Variants in MTHFD2 observed in about 807,000 individuals in gnomAD.
MTHFD2 encodes methylenetetrahydrofolate dehydrogenase (NADP+ dependent) 2, methenyltetrahydrofolate cyclohydrolase.
MTHFD2 carries 26 observed loss-of-function variants against 36.8 expected under a neutral mutation model. The ratio of observed to expected loss-of-function variants is 0.71; its 90% CI spans 0.52 to 0.98. MTHFD2 has a LOEUF of 0.98. Ranked by LOEUF, MTHFD2 falls within the 50% of genes least tolerant of loss-of-function variation. MTHFD2 has a pLI of 0.00. For missense variants in MTHFD2, 373 were observed against 434.0 expected, an observed-to-expected ratio of 0.86 and a Z score of 1.25; for synonymous variants, 164 against 155.2, an observed-to-expected ratio of 1.06 and a Z score of -0.42.
chr2:74,212,218 C>G (rs1694322303), intron 7 of MTHFD2, among the ~76,000 whole-genome samples: 1 of 141,576 alleles, frequency 7.1e-6, no homozygotes, highest in South Asian at 2.3e-4. Context: ...CTTCCCCTCC[C>G]CTCCCCTCCT....
In MTHFD2 at chr2:74,215,152, T is replaced by C. The variant is rs879873474; in HGVS notation, c.*910T>C. 1 of 152,668 alleles carries C rather than the reference T, an allele frequency of 6.6e-6. No individual in the cohort carries two copies. Among genetic ancestry groups the C allele is most frequent in the Non-Finnish European group, 1.5e-5 (1 of 68,036 alleles). The allele number at this position is 152,668 out of a possible 1,614,324, so 9.5% of individuals were successfully genotyped here. ...AAAGAACTGTCAGCAGCTGCCTGCT[T>C]TTCTGTGATGTATGTATCCTGTTGA... On this transcript the variant is annotated 3_prime_UTR_variant, in exon 8 of 8. Transcript: ENST00000394053.
chr2:74,209,120 T>C (rs1306076152), intron 4 of MTHFD2, among the ~76,000 whole-genome samples: 2 of 152,110 alleles, frequency 1.3e-5, no homozygotes, highest in African/African-American at 4.8e-5. Context: ...ATCCGCCCCC[T>C]CAGCCTCCCA....
chr2:74,211,073 C>T (rs190950610), intron 5 of MTHFD2, 126 bp from the exon 6 acceptor site: 32 of 632,924 alleles, frequency 5.1e-5, no homozygotes, highest in Middle Eastern at 4.7e-4. Flanking sequence ...GCGTGAGCCA[C>T]TGCACCTGGC....
At chr2:74,208,799 C>A in intron 4 of MTHFD2, 78 bp downstream of exon 4, 1 of 1,439,284 alleles carries the variant, frequency 6.9e-7, no homozygotes, top group South Asian at 1.3e-5. Flanking sequence ...CTCATACAGT[C>A]CCAAAGAGTG....
At chr2:74,200,687 A>C (rs1171207623) in intron 1 of MTHFD2, among the ~76,000 whole-genome samples, 1 of 152,142 alleles carries the variant, frequency 6.6e-6, no homozygotes, top group African/African-American at 2.4e-5. Flanking sequence ...TCTTGTTTCT[A>C]CTATCCTCAG....
chr2:74,205,925 T>C, intron 2 of MTHFD2, 36 bp downstream of exon 2: 15 of 1,595,662 alleles, frequency 9.4e-6, no homozygotes, highest in Non-Finnish European at 1.3e-5. Flanking sequence ...TGCGGTTCAG[T>C]TGAGGTTTAT....
chr2:74,201,762 TG>T lies in MTHFD2; in HGVS notation c.101+3024del, dbSNP rs199645178. ...TGACTCTCCATTTCCCTGTTTATTT[TG>T]GGGTAGCAGTTAATCTGCCCCTTGG... On this transcript the variant is annotated intron_variant, in intron 1 of 7. Transcript: ENST00000394053. Among the ~76,000 whole-genome samples the T allele has an allele frequency of 9.3e-3, 1,418 of 152,392 alleles. 22 individuals are homozygous for T. Among genetic ancestry groups the T allele is most frequent in the African/African-American group, 0.031 (1,282 of 41,592 alleles).
At chr2:74,202,855 G>A (rs888734966) in intron 1 of MTHFD2, among the ~76,000 whole-genome samples, 3 of 151,924 alleles carry the variant, frequency 2.0e-5, no homozygotes, top group Non-Finnish European at 4.4e-5. Context: ...AGTCCTCTTC[G>A]ACTCTAATTC....
At chr2:74,211,589 A>C in intron 6 of MTHFD2, 152 bp from the exon 7 acceptor site, 1 of 728,174 alleles carries the variant, frequency 1.4e-6, no homozygotes, top group Admixed American at 3.7e-5. Context: ...AAAAATAATA[A>C]AAGTAAATAG....
intron 1 of MTHFD2, among the ~76,000 whole-genome samples, chr2:74,204,731 T>C (rs1052610888): frequency 2.0e-5 from 3 of 152,208 alleles, no homozygotes; most frequent in African/African-American, 4.8e-5. Flanking sequence ...TCCAGTCCCC[T>C]GCCCTGCCCC....
chr2:74,205,007 G>A (rs1035754089), intron 1 of MTHFD2, among the ~76,000 whole-genome samples: 2 of 152,066 alleles, frequency 1.3e-5, no homozygotes, highest in Admixed American at 1.3e-4. Context: ...TGTATTTTTA[G>A]TAGAGACAGG....
At chr2:74,198,970 C>A (rs1242971185) in intron 1 of MTHFD2, among the ~76,000 whole-genome samples, 2 of 152,182 alleles carry the variant, frequency 1.3e-5, no homozygotes, top group African/African-American at 4.8e-5. Flanking sequence ...GCCCGCCTTT[C>A]GGAGGGAGCC....
intron 2 of MTHFD2, chr2:74,206,457 G>C (rs149146506): frequency 6.6e-6 from 1 of 152,508 alleles, no homozygotes; most frequent in East Asian, 1.9e-4. Context: ...CGGTACCACA[G>C]ATTACTGTGT....
At chr2:74,211,526 TACTGTATAAAGTTTA>T in intron 6 of MTHFD2, 200 bp from the exon 7 acceptor site, 1 of 485,428 alleles carries the variant, frequency 2.1e-6, no homozygotes, top group South Asian at 4.9e-5. Flanking sequence ...TATTAATATT[TACTGTATAAAGTTTA>T]AATGGTTCCT....
chr2:74,216,611 AATT>A lies in MTHFD2; in HGVS notation c.*2376_*2378del, dbSNP rs1694452481. ...ATGATAAATACTTTTTTTAAAAATT[AATT>A]ATTATTGTTTATAAGACATGGATTC... On this transcript the variant is annotated 3_prime_UTR_variant, in exon 8 of 8. Transcript: ENST00000394053. 1 of 152,080 alleles carries A rather than the reference AATT, an allele frequency of 6.6e-6. No individual in the cohort carries two copies. Among genetic ancestry groups the A allele is most frequent in the African/African-American group, 2.4e-5 (1 of 41,402 alleles). The allele number at this position is 152,080 out of a possible 1,614,324, so 9.4% of individuals were successfully genotyped here.
At position 74,214,495 on chromosome 2, in the gene MTHFD2, A is replaced by G. The variant is rs1694386550; in HGVS notation, c.*253A>G. On this transcript the variant is annotated 3_prime_UTR_variant, in exon 8 of 8. Coordinates refer to ENST00000394053, the MANE Select transcript of MTHFD2 (RefSeq NM_006636.4). ...ATTAACCTAGTGATTAATATGGGAG[A>G]CATTACCATATGGAGGATGGATGCT... 1 of 254,254 alleles carries G rather than the reference A, an allele frequency of 3.9e-6. No homozygotes were observed. Among genetic ancestry groups the G allele is most frequent in the Admixed American group, 5.1e-5 (1 of 19,566 alleles). The allele number at this position is 254,254 out of a possible 1,614,324, so 15.7% of individuals were successfully genotyped here.
chr2:74,203,142 A>G (rs1329706127), intron 1 of MTHFD2, among the ~76,000 whole-genome samples: 2 of 151,666 alleles, frequency 1.3e-5, no homozygotes, highest in Non-Finnish European at 2.9e-5. Context: ...TGAGATTACA[A>G]TTACAGGGTC....
In MTHFD2 at chr2:74,211,189, T is replaced by C. The variant is rs80326870; in HGVS notation, c.671-10T>C. ...GTCAGAAATCAAGACATCTATTTTTTTCTTTCTAGGTGATGCCACTGTTAC... is the reference window on the plus strand; with the variant it reads ...GTCAGAAATCAAGACATCTATTTTTCTCTTTCTAGGTGATGCCACTGTTAC... On this transcript the variant is annotated splice_polypyrimidine_tract_variant and intron_variant, in intron 5 of 7. Coordinates refer to ENST00000394053, the MANE Select transcript of MTHFD2 (RefSeq NM_006636.4). 1,649 of 1,571,678 alleles carry C rather than the reference T, an allele frequency of 1.0e-3. 13 individuals are homozygous for C. The African/African-American group carries it at 0.018, about 17-fold the overall frequency.
intron 1 of MTHFD2, among the ~76,000 whole-genome samples, chr2:74,199,195 G>A (rs1693979995): frequency 6.6e-6 from 1 of 152,192 alleles, no homozygotes; most frequent in African/African-American, 2.4e-5. Flanking sequence ...CCCTAGCGGC[G>A]GAGGGCGCTG....
Sources: allele counts gnomAD v4.1 joint callset (sites outside exome capture counted in the v4.1 genomes callset), GRCh38; gene constraint gnomAD v4.1.1; transcripts MANE v1.5; gene names NCBI Gene and HGNC (gene_info 2026-07-23, HGNC 2026-07-21).